Variants in BMP2K observed in about 807,000 individuals in gnomAD.
The protein encoded by BMP2K is BMP2 inducible kinase.
Under a neutral mutation model 116.0 loss-of-function variants are expected in BMP2K, and 74 were observed. The observed-to-expected ratio is 0.64, with a 90% CI of 0.53 to 0.77. The LOEUF (loss-of-function observed/expected upper bound fraction) is 0.77, where lower values mean the gene tolerates loss of function less well. Ranked by LOEUF, BMP2K falls within the 30% of genes least tolerant of loss-of-function variation. The pLI, the probability that BMP2K is intolerant of heterozygous loss-of-function variation, is 0.00. For missense variants in BMP2K, 1,365 were observed against 1,403.6 expected (o/e 0.97, Z 0.44); for synonymous variants, 486 against 502.5 (o/e 0.97, Z 0.44).
intron 1 of BMP2K, among the ~76,000 whole-genome samples, chr4:78,820,384 C>T (rs548987858): frequency 6.6e-6 from 1 of 152,024 alleles, no homozygotes; most frequent in Non-Finnish European, 1.5e-5. Context: ...TGATGATGAG[C>T]CTTGATGTGG....
intron 10 of BMP2K, among the ~76,000 whole-genome samples, chr4:78,869,045 C>G (rs988377608): frequency 3.3e-5 from 5 of 152,156 alleles, no homozygotes; most frequent in African/African-American, 1.2e-4. Context: ...GGACTTTGAC[C>G]CCACATTTCC....
chr4:78,839,292 G>A (rs1236879113), intron 3 of BMP2K, among the ~76,000 whole-genome samples: 2 of 152,128 alleles, frequency 1.3e-5, no homozygotes, highest in African/African-American at 2.4e-5. Context: ...TCCTGTGGAT[G>A]GTTTTCTCAT....
At chr4:78,804,053 CACT>C (rs1045871454) in intron 1 of BMP2K, among the ~76,000 whole-genome samples, 1 of 152,094 alleles carries the variant, frequency 6.6e-6, no homozygotes, top group Non-Finnish European at 1.5e-5. Context: ...GAAACACCAC[CACT>C]AATTCTAGAA....
intron 15 of BMP2K, among the ~76,000 whole-genome samples, chr4:78,891,062 T>C (rs1159998742): frequency 2.0e-5 from 3 of 152,156 alleles, no homozygotes; most frequent in Non-Finnish European, 4.4e-5. Flanking sequence ...TAAACTTTGC[T>C]GCCTAAAAGT....
chr4:78,911,825 C>T lies in BMP2K; in HGVS notation c.3278C>T (p.Ala1093Val), dbSNP rs556730271. Residue 1093 changes from alanine to valine, a missense_variant, in exon 16 of 16, where the codon GCT (alanine) becomes GTT (valine). Ala to Val is a moderately conservative substitution (Grantham distance 64). Coordinates refer to ENST00000502613, the MANE Select transcript of BMP2K (RefSeq NM_198892.2). ...CATCAGGGCCTGAGCGACATCCGTG[C>T]TGATCACAATACTGTCCTGCCAGGG... ...PPHQGLSDIRADHNTVLPGRP... is the reference protein window; with the variant it reads ...PPHQGLSDIRVDHNTVLPGRP... 6.0e-5 allele frequency: 97 copies of T among 1,613,972 alleles called. 2 individuals carry two copies. The South Asian group carries it at 8.6e-4, about 14-fold the overall frequency.
chr4:78,826,060 G>A lies in BMP2K; in HGVS notation c.202G>A (p.Val68Met), dbSNP rs770167074. ...AGGTGGATTCTCCACAGTTTTCCTC[G>A]TGCGTACTCACGGTGGAATCCGATG... ...AEGGFSTVFL[V>M]RTHGGIRCAL... Residue 68 changes from valine to methionine, a missense_variant, in exon 2 of 16, where the codon GTG becomes ATG. Val to Met is a conservative substitution (Grantham distance 21). Transcript: ENST00000502613. The A allele has an allele frequency of 2.8e-5, 45 of 1,613,246 alleles. No homozygotes were observed. Among genetic ancestry groups the A allele is most frequent in the African/African-American group, 9.4e-5 (7 of 74,780 alleles).
intron 1 of BMP2K, among the ~76,000 whole-genome samples, chr4:78,788,623 A>G (rs751833484): frequency 3.2e-4 from 48 of 152,244 alleles, no homozygotes; most frequent in Non-Finnish European, 1.8e-4. Context: ...AAACAAGTGA[A>G]GGTAGCTGTT....
At chr4:78,861,871 A>G (rs931692446) in intron 9 of BMP2K, among the ~76,000 whole-genome samples, 2 of 151,958 alleles carry the variant, frequency 1.3e-5, no homozygotes, top group African/African-American at 2.4e-5. Flanking sequence ...TAGAATATGT[A>G]TGTACTTTGT....
intron 15 of BMP2K, among the ~76,000 whole-genome samples, chr4:78,907,425 C>G (rs911769024): frequency 6.6e-5 from 10 of 152,152 alleles, no homozygotes; most frequent in African/African-American, 2.4e-4. Context: ...TTTAAATTCA[C>G]TTCCAAGTGA....
chr4:78,877,286 A>G (rs1732678185), intron 13 of BMP2K, among the ~76,000 whole-genome samples: 2 of 152,174 alleles, frequency 1.3e-5, no homozygotes, highest in Non-Finnish European at 2.9e-5. Context: ...TTTACTTTAT[A>G]AACTTTGAAA....
intron 1 of BMP2K, among the ~76,000 whole-genome samples, chr4:78,804,354 T>G (rs1728717179): frequency 6.6e-6 from 1 of 152,240 alleles, no homozygotes; most frequent in African/African-American, 2.4e-5. Flanking sequence ...AATCAGTTAG[T>G]GGACATTTAG....
intron 15 of BMP2K, 137 bp from the exon 16 acceptor site, chr4:78,910,473 T>C (rs1288735393): frequency 1.1e-5 from 8 of 729,010 alleles, no homozygotes; most frequent in Non-Finnish European, 1.5e-5. Context: ...TGACGAAGAA[T>C]TGACAACATT....
chr4:78,877,489 T>G (rs1732686953), intron 13 of BMP2K, among the ~76,000 whole-genome samples: 1 of 152,256 alleles, frequency 6.6e-6, no homozygotes, highest in Admixed American at 6.5e-5. Context: ...ATTGTCAATA[T>G]CACTGTCTTC....
At position 78,892,198 on chromosome 4, in the gene BMP2K, A is replaced by G. The variant is rs185118259; in HGVS notation, c.2062+4914A>G. Among the ~76,000 whole-genome samples, 393 of 152,318 alleles carry G rather than the reference A, an allele frequency of 2.6e-3. 1 individual carries two copies. The highest frequency in any genetic ancestry group is 4.4e-3 in the Non-Finnish European group (302 of 68,020). ...CTAAATATTTAGAATTCACCTGTGAAGCAAACTGGGCTTCAAGTTACCTTT... is the reference window on the plus strand; with the variant it reads ...CTAAATATTTAGAATTCACCTGTGAGGCAAACTGGGCTTCAAGTTACCTTT... On this transcript the variant is annotated intron_variant, in intron 15 of 15. Transcript: ENST00000502613.
chr4:78,844,854 A>G (rs1173212280), intron 4 of BMP2K, 74 bp from the exon 5 acceptor site: 8 of 1,369,198 alleles, frequency 5.8e-6, no homozygotes, highest in African/African-American at 4.4e-5. Context: ...ACAAATAACC[A>G]TTTTTTACAA....
At chr4:78,803,084 A>G (rs1349010046) in intron 1 of BMP2K, among the ~76,000 whole-genome samples, 4 of 152,042 alleles carry the variant, frequency 2.6e-5, no homozygotes, top group African/African-American at 9.7e-5. Flanking sequence ...TCCTGACCTC[A>G]AGTGATCCAC....
At chr4:78,900,255 A>G (rs1008936982) in intron 15 of BMP2K, among the ~76,000 whole-genome samples, 3 of 152,186 alleles carry the variant, frequency 2.0e-5, no homozygotes, top group Non-Finnish European at 2.9e-5. Context: ...CATTCAAAAT[A>G]TGTTATTAGT....
intron 14 of BMP2K, chr4:78,879,757 A>G (rs1419538306): frequency 6.6e-6 from 1 of 152,114 alleles, no homozygotes; most frequent in East Asian, 1.9e-4. Flanking sequence ...TTCCTATTTC[A>G]TTTAGGTAAT....
chr4:78,865,788 C>T lies in BMP2K; in HGVS notation c.1231+68C>T, dbSNP rs1451517263. ...TAATAAACCTTTCATGATTTGATTT[C>T]CTGACCTCAGGTGATCCTTAATATT... On this transcript the variant is annotated intron_variant, in intron 10 of 15. Transcript: ENST00000502613. 4.7e-6 allele frequency: 7 copies of T among 1,503,214 alleles called. No homozygotes were observed. The East Asian group carries it at 1.1e-4, about 24-fold the overall frequency. 93.1% of individuals were successfully genotyped at this position (1,503,214 alleles called of 1,614,324 possible).
Sources: allele counts gnomAD v4.1 joint callset (sites outside exome capture counted in the v4.1 genomes callset), GRCh38; gene constraint gnomAD v4.1.1; transcripts MANE v1.5; gene names NCBI Gene and HGNC (gene_info 2026-07-23, HGNC 2026-07-21).